Variants in LIMS1 observed in about 807,000 individuals in gnomAD.
LIMS1 encodes LIM zinc finger domain containing 1, also known as LIM and senescent cell antigen-like-containing domain protein 1.
Under a neutral mutation model 44.1 loss-of-function variants are expected in LIMS1, and 18 were observed. The ratio of observed to expected loss-of-function variants is 0.41; its 90% CI spans 0.28 to 0.61. The LOEUF (loss-of-function observed/expected upper bound fraction) is 0.61. Ranked by LOEUF, LIMS1 falls within the 20% of genes least tolerant of loss-of-function variation. The probability of loss-of-function intolerance (pLI) is 0.32; values close to 1 mark genes in which losing one functional copy is unlikely to be tolerated. For synonymous variants in LIMS1, 93 were observed against 149.1 expected, an observed-to-expected ratio of 0.62 and a Z score of 2.74; for missense variants, 201 against 422.0, an observed-to-expected ratio of 0.48 and a Z score of 4.59.
intron 1 of LIMS1, among the ~76,000 whole-genome samples, chr2:108,630,579 A>G (rs932601948): frequency 1.3e-5 from 2 of 152,254 alleles, no homozygotes; most frequent in African/African-American, 4.8e-5. Flanking sequence ...CGAATGGCAC[A>G]GTTTTAACGT....
chr2:108,559,539 T>G (rs1685042032), intron 1 of LIMS1, among the ~76,000 whole-genome samples: 1 of 152,188 alleles, frequency 6.6e-6, no homozygotes, highest in East Asian at 1.9e-4. Flanking sequence ...AGTGCTAGGT[T>G]TATATTAGAA....
At chr2:108,536,727 C>G (rs1414344199) in intron 1 of LIMS1, among the ~76,000 whole-genome samples, 1 of 152,270 alleles carries the variant, frequency 6.6e-6, no homozygotes, top group African/African-American at 2.4e-5. Flanking sequence ...ACTACAGACA[C>G]ACGCCACCAT....
intron 1 of LIMS1, 88 bp downstream of exon 1, chr2:108,534,682 G>C: frequency 1.3e-6 from 1 of 789,270 alleles, no homozygotes; most frequent in Non-Finnish European, 1.5e-6. Context: ...CCTGGCGCGG[G>C]CGGGCGGCCG....
chr2:108,613,158 A>G (rs941614193), intron 1 of LIMS1, among the ~76,000 whole-genome samples: 1 of 152,166 alleles, frequency 6.6e-6, no homozygotes, highest in Non-Finnish European at 1.5e-5. Context: ...ATAACACATA[A>G]TGTGCTGGGT....
At chr2:108,659,858 T>G in intron 2 of LIMS1, 94 bp downstream of exon 2, 1 of 1,607,032 alleles carries the variant, frequency 6.2e-7, no homozygotes, top group Non-Finnish European at 8.5e-7. Context: ...ATGTTCAGTT[T>G]CATGATGAAA....
intron 1 of LIMS1, among the ~76,000 whole-genome samples, chr2:108,638,904 G>A (rs7597937): frequency 0.04 from 6,037 of 152,198 alleles, 410 homozygotes; most frequent in African/African-American, 0.14. Flanking sequence ...TTAGCCGGGC[G>A]TGTTGATAGG....
intron 1 of LIMS1, among the ~76,000 whole-genome samples, chr2:108,625,064 G>A (rs62149921): frequency 0.087 from 13,198 of 152,314 alleles, 652 homozygotes; most frequent in South Asian, 0.2. Flanking sequence ...GGGCTACAGA[G>A]TGAGACTCTC....
At chr2:108,675,844 T>G in intron 5 of LIMS1, 34 bp from the exon 6 acceptor site, 3 of 1,613,884 alleles carry the variant, frequency 1.9e-6, no homozygotes, top group Non-Finnish European at 1.7e-6. Context: ...CTTTTCTCTC[T>G]TAGTATTAAG....
chr2:108,597,902 A>C lies in LIMS1; in HGVS notation c.33-61703A>C, dbSNP rs569986808. Among the ~76,000 whole-genome samples the C allele has an allele frequency of 1.8e-4, 28 of 151,876 alleles. No individual in the cohort carries two copies. The East Asian group carries it at 5.2e-3, about 28-fold the overall frequency. ...AGAGACGGGGTTTCACTATGTTGGC[A>C]AGGCTGGTCTTGAACTCCTGACCTG... is the stretch of plus-strand genomic sequence containing the variant. On this transcript the variant is annotated intron_variant, in intron 1 of 9. Transcript: ENST00000544547.
At chr2:108,556,017 A>C (rs752017244) in intron 1 of LIMS1, among the ~76,000 whole-genome samples, 6 of 152,136 alleles carry the variant, frequency 3.9e-5, no homozygotes, top group African/African-American at 7.2e-5. Context: ...AATAACACAA[A>C]ATTTACCATC....
intron 2 of LIMS1, among the ~76,000 whole-genome samples, chr2:108,666,637 A>G (rs986031817): frequency 8.1e-6 from 1 of 122,838 alleles, no homozygotes; most frequent in Admixed American, 8.9e-5. Flanking sequence ...TACAAAAAAT[A>G]ACAAAATTAG....
intron 1 of LIMS1, chr2:108,657,792 T>C (rs1691007825): frequency 1.3e-5 from 2 of 152,398 alleles, no homozygotes; most frequent in African/African-American, 4.8e-5. Context: ...AAAGTTGAGC[T>C]TTGACGGGTC....
chr2:108,606,599 TGCC>T (rs1687279157), intron 1 of LIMS1, among the ~76,000 whole-genome samples: 1 of 152,246 alleles, frequency 6.6e-6, no homozygotes, highest in African/African-American at 2.4e-5. Flanking sequence ...TACCTACTGT[TGCC>T]AGGCTTGAAG....
intron 1 of LIMS1, among the ~76,000 whole-genome samples, chr2:108,590,371 T>C (rs183138414): frequency 1.9e-4 from 29 of 152,364 alleles, no homozygotes; most frequent in Non-Finnish European, 3.4e-4. Context: ...GATGATCATT[T>C]TAATTTGGTC....
intron 1 of LIMS1, among the ~76,000 whole-genome samples, chr2:108,642,455 G>T (rs1208994321): frequency 6.9e-6 from 1 of 145,426 alleles, no homozygotes; most frequent in Admixed American, 7.2e-5. Flanking sequence ...CGCCTCCCGG[G>T]TTCACGCCAT....
intron 1 of LIMS1, among the ~76,000 whole-genome samples, chr2:108,545,060 G>C (rs1452120622): frequency 1.3e-5 from 2 of 152,150 alleles, no homozygotes; most frequent in Non-Finnish European, 2.9e-5. Context: ...ATTGAGATCT[G>C]AATAAGGTTC....
chr2:108,641,402 C>A (rs1229102909), intron 1 of LIMS1, among the ~76,000 whole-genome samples: 1 of 152,212 alleles, frequency 6.6e-6, no homozygotes, highest in Non-Finnish European at 1.5e-5. Context: ...AGCCTTCTCA[C>A]AATTACAACC....
intron 1 of LIMS1, among the ~76,000 whole-genome samples, chr2:108,538,101 C>G (rs1216365793): frequency 6.6e-6 from 1 of 152,180 alleles, no homozygotes; most frequent in African/African-American, 2.4e-5. Flanking sequence ...TGGTTTTCCA[C>G]CCACAGGGAT....
chr2:108,680,665 T>C (rs368587422), intron 8 of LIMS1, 30 bp from the exon 9 acceptor site: 25 of 1,608,452 alleles, frequency 1.6e-5, no homozygotes, highest in Admixed American at 3.4e-5. Flanking sequence ...TGTATTTCCA[T>C]GTGACCAGAT....
Sources: gnomAD v4.1 joint callset for allele counts (sites outside exome capture counted in the v4.1 genomes callset) on GRCh38, gnomAD v4.1.1 for gene constraint, MANE v1.5 for transcripts, NCBI Gene and HGNC (gene_info 2026-07-23, HGNC 2026-07-21) for gene names.